Variants in PANK4 observed in about 807,000 individuals in gnomAD.
PANK4 encodes 4'-phosphopantetheine phosphatase.
PANK4 carries 40 observed loss-of-function variants against 87.9 expected under a neutral mutation model. The observed-to-expected ratio is 0.46, with a 90% CI of 0.35 to 0.59. The LOEUF (loss-of-function observed/expected upper bound fraction) is 0.59, where lower values mean the gene tolerates loss of function less well. PANK4 is among the 20% of genes least tolerant of loss of function. PANK4 has a pLI of 0.00. For missense variants in PANK4, 926 were observed against 1,072.3 expected (o/e 0.86, Z 1.90); for synonymous variants, 524 against 467.4 (o/e 1.12, Z -1.56).
chr1:2,511,473 G>A (rs1643660490), intron 14 of PANK4, 86 bp from the exon 15 acceptor site: 12 of 1,199,248 alleles, frequency 1.0e-5, no homozygotes, highest in Non-Finnish European at 1.4e-5. Flanking sequence ...CGTCTCTCCA[G>A]GAAGCAAGTT....
intron 7 of PANK4, 49 bp from the exon 8 acceptor site, chr1:2,518,646 G>A (rs755758392): frequency 2.5e-5 from 37 of 1,460,238 alleles, no homozygotes; most frequent in African/African-American, 2.5e-4. Flanking sequence ...CACAACACCC[G>A]GTGCCTCCGC....
chr1:2,510,260 GC>G lies in PANK4; in HGVS notation c.1939-104del. ...TGGCTGGGCTGGGTGAGGGTGCTGT[GC>G]CCAGCGGGCCTGGCCAGCCACCTGC... On this transcript the variant is annotated intron_variant, in intron 16 of 18. Transcript: ENST00000378466. The surrounding 1 kb of genome is among the most constrained non-coding windows in gnomAD (Gnocchi z 4.9). The G allele has an allele frequency of 1.3e-6, 1 of 770,752 alleles. No homozygotes were observed. Among genetic ancestry groups the G allele is most frequent in the Non-Finnish European group, 2.3e-6 (1 of 443,676 alleles). The allele number at this position is 770,752 out of a possible 1,614,324, so 47.7% of individuals were successfully genotyped here.
At position 2,509,038 on chromosome 1, in the gene PANK4, C is replaced by T. The variant is rs142717939; in HGVS notation, c.2131G>A (p.Ala711Thr). The change falls in exon 19 of 19, where the codon GCA becomes ACA. Residue 711 changes from alanine (A) to threonine (T), a missense_variant. By Grantham distance (58) the Ala-to-Thr change is moderately conservative. Transcript: ENST00000378466. This position sits in a 1 kb window ranked among gnomAD's most constrained non-coding sequence, Gnocchi z 4.9. ...DLSRLDKGLA[A>T]LVRERGADLV... Reference sequence around the variant, plus strand: ...TCCGCGCCACGCTCCCGCACCAGTGCGGCCAGCCCCTTATCCAGGCGGCTT... The same window carrying T: ...TCCGCGCCACGCTCCCGCACCAGTGTGGCCAGCCCCTTATCCAGGCGGCTT... 9.4e-6 allele frequency: 15 copies of T among 1,600,484 alleles called. No homozygotes were observed. Among genetic ancestry groups the T allele is most frequent in the East Asian group, 2.2e-5 (1 of 44,770 alleles).
At chr1:2,511,546 G>A (rs886810818) in intron 14 of PANK4, 82 bp downstream of exon 14, 9 of 1,152,068 alleles carry the variant, frequency 7.8e-6, no homozygotes, top group East Asian at 4.7e-5. Flanking sequence ...GACCCCGACC[G>A]CAACTGCATT....
chr1:2,508,954 G>T lies in PANK4; in HGVS notation c.2215C>A (p.Arg739Ser), dbSNP rs753762604. 6.2e-7 allele frequency: 1 copy of T among 1,609,284 alleles called. No homozygotes were observed. The highest frequency in any genetic ancestry group is 1.7e-4 in the Middle Eastern group (1 of 6,032). The stretch of plus-strand genomic sequence containing the variant: ...ACGGCCAGCTTGAGGCTCTCGCAGC[G>T]CAGGGCTGCGTGGTAGTTTGTGTGG... ...AVHTNYHAAL[R>S]CESLKLAVIK... is the part of the protein sequence containing the mutation. The change falls in exon 19 of 19, where the codon CGC becomes AGC. Residue 739 changes from arginine to serine, a missense_variant. Coordinates refer to ENST00000378466, the MANE Select transcript of PANK4 (RefSeq NM_018216.4). The surrounding 1 kb of genome is among the most constrained non-coding windows in gnomAD (Gnocchi z 5.1).
At position 2,519,374 on chromosome 1, in the gene PANK4, G is replaced by T; in HGVS notation, c.854-50C>A. On this transcript the variant is annotated intron_variant, in intron 6 of 18. Transcript: ENST00000378466. The surrounding 1 kb of genome is among the most constrained non-coding windows in gnomAD (Gnocchi z 8.3). ...TCATCTCCAAGTACAGCAAGTGCAC[G>T]ACATGAGAGCGAGCAGGAGGGGAGG... 1 of 1,220,262 alleles carries T rather than the reference G, an allele frequency of 8.2e-7. No homozygotes were observed. The highest frequency in any genetic ancestry group is 1.3e-5 in the South Asian group (1 of 75,412). 75.6% of individuals were successfully genotyped at this position (1,220,262 alleles called of 1,614,324 possible).
intron 9 of PANK4, among the ~76,000 whole-genome samples, chr1:2,517,073 C>T (rs943861180): frequency 3.9e-5 from 6 of 152,208 alleles, no homozygotes; most frequent in African/African-American, 1.4e-4. Flanking sequence ...GGACATTTGG[C>T]AAATTATGCA....
Position 2,518,179 on chromosome 1 carries a change from C to T in PANK4, c.1203G>A (p.Arg401=). The T allele has an allele frequency of 1.9e-6, 3 of 1,607,334 alleles. No homozygotes were observed. The highest frequency in any genetic ancestry group is 2.5e-6 in the Non-Finnish European group (3 of 1,178,676). The change falls in exon 9 of 19, where the codon CGG becomes CGA. Residue 401 remains arginine, a synonymous_variant. Transcript: ENST00000378466. The part of the protein sequence containing the change: ...SASPELGPAQ[R]ARSGTFDLLE... ...CACTACTCACAGTGCCACTCCGCGCCCGCTGCGCCGGGCCGAGCTCGGGTG... is the reference window on the plus strand; with the variant it reads ...CACTACTCACAGTGCCACTCCGCGCTCGCTGCGCCGGGCCGAGCTCGGGTG...
intron 1 of PANK4, among the ~76,000 whole-genome samples, chr1:2,523,782 C>A (rs1351004460): frequency 6.6e-6 from 1 of 152,244 alleles, no homozygotes; most frequent in Non-Finnish European, 1.5e-5. Flanking sequence ...GGGCGGGGAC[C>A]CTTCCGGGCT....
intron 7 of PANK4, among the ~76,000 whole-genome samples, 167 bp from the exon 8 acceptor site, chr1:2,518,764 G>A (rs1643832050): frequency 6.6e-6 from 1 of 152,274 alleles, no homozygotes. Context: ...GGCACCAGAG[G>A]GCGGGCTGCT....
At chr1:2,516,860 C>T (rs1350552503) in intron 9 of PANK4, among the ~76,000 whole-genome samples, 10 of 152,252 alleles carry the variant, frequency 6.6e-5, no homozygotes, top group South Asian at 6.2e-4. Flanking sequence ...TTCAAATCTT[C>T]GCTTTGACTT....
chr1:2,515,731 A>G lies in PANK4; in HGVS notation c.1219-14T>C, dbSNP rs113176922. The G allele has an allele frequency of 6.2e-7, 1 of 1,611,950 alleles. No homozygotes were observed. The highest frequency in any genetic ancestry group is 8.5e-7 in the Non-Finnish European group (1 of 1,179,326). Reference sequence around the variant, plus strand: ...CAGCAAGTCAAACTGGAAGACAGGCAGTGGCAGGGTGGAAACGTCACCATG... The same window carrying G: ...CAGCAAGTCAAACTGGAAGACAGGCGGTGGCAGGGTGGAAACGTCACCATG... On this transcript the variant is annotated splice_polypyrimidine_tract_variant and intron_variant, in intron 9 of 18. Coordinates refer to ENST00000378466, the MANE Select transcript of PANK4 (RefSeq NM_018216.4). This position sits in a 1 kb window ranked among gnomAD's most constrained non-coding sequence, Gnocchi z 5.0.
rs1470461763 is a variant in PANK4, at chr1:2,516,957, G to A, written c.1218+1207C>T. The stretch of plus-strand genomic sequence containing the variant: ...GTAAGGTGGGGGCCCCTCCTGCCTG[G>A]CAGGGCTGTGCCACTGGTGGGGTAC... On this transcript the variant is annotated intron_variant, in intron 9 of 18. Transcript: ENST00000378466. 2.0e-5 allele frequency among the ~76,000 whole-genome samples: 3 copies of A among 152,230 alleles called. No homozygotes were observed. In the East Asian group the frequency reaches 5.8e-4, roughly 29 times the overall value.
intron 11 of PANK4, 111 bp downstream of exon 11, chr1:2,514,243 C>A: frequency 8.9e-7 from 1 of 1,127,818 alleles, no homozygotes; most frequent in South Asian, 1.3e-5. Flanking sequence ...AGGGCCCACA[C>A]CCACCCCCAG....
intron 9 of PANK4, 61 bp downstream of exon 9, chr1:2,518,103 G>A: frequency 9.9e-6 from 10 of 1,011,280 alleles, no homozygotes; most frequent in Non-Finnish European, 1.5e-5. Flanking sequence ...AGGGACAGGC[G>A]AGGTGAGTGC....
At chr1:2,511,596 G>A (rs1401222300) in intron 14 of PANK4, 32 bp downstream of exon 14, 2 of 1,527,630 alleles carry the variant, frequency 1.3e-6, no homozygotes, top group Middle Eastern at 1.7e-4. Flanking sequence ...CCCAGCACAA[G>A]GCAAGGCCCC....
intron 9 of PANK4, among the ~76,000 whole-genome samples, chr1:2,517,528 C>T (rs1213279505): frequency 1.3e-5 from 2 of 152,240 alleles, no homozygotes; most frequent in African/African-American, 4.8e-5. Flanking sequence ...GCCTGTGACA[C>T]GGGGCGGTTC....
chr1:2,510,095 G>T lies in PANK4; in HGVS notation c.2001C>A (p.Ile667=), dbSNP rs753653285. ...CCATGCCCGCAATACGCTCTGCCAC[G>T]ATGAGGGACTCGCTGTGGGTCACGT... The part of the protein sequence containing the change: ...LNDVTHSESL[I]VAERIAGMDP... Residue 667 remains isoleucine (I), a synonymous_variant, in exon 17 of 19, where the codon ATC becomes ATA. Coordinates refer to ENST00000378466, the MANE Select transcript of PANK4 (RefSeq NM_018216.4). This position sits in a 1 kb window ranked among gnomAD's most constrained non-coding sequence, Gnocchi z 4.9. The T allele has an allele frequency of 1.9e-6, 3 of 1,611,204 alleles. No individual in the cohort carries two copies. The highest frequency in any genetic ancestry group is 2.7e-5 in the African/African-American group (2 of 74,872).
chr1:2,511,729 C>A, intron 13 of PANK4, 46 bp from the exon 14 acceptor site: 1 of 1,218,978 alleles, frequency 8.2e-7, no homozygotes, highest in Non-Finnish European at 1.2e-6. Flanking sequence ...AGAACAAAAA[C>A]CTTCAGCCAC....
Sources: allele counts gnomAD v4.1 joint callset (sites outside exome capture counted in the v4.1 genomes callset), GRCh38; gene constraint gnomAD v4.1.1; non-coding constraint Gnocchi (gnomAD v3.1); transcripts MANE v1.5; gene names NCBI Gene and HGNC (gene_info 2026-07-23, HGNC 2026-07-21).